KANK4: variants seen among roughly 807,000 people sequenced by gnomAD.
The protein encoded by KANK4 is KN motif and ankyrin repeat domains 4, also known as KN motif and ankyrin repeat domain-containing protein 4.
Under a neutral mutation model 80.8 loss-of-function variants are expected in KANK4, and 50 were observed. That is an observed-to-expected ratio of 0.62 (90% CI 0.49 to 0.78). The LOEUF (loss-of-function observed/expected upper bound fraction) is 0.78, where lower values mean the gene tolerates loss of function less well. Ranked by LOEUF, KANK4 falls within the 30% of genes least tolerant of loss-of-function variation. KANK4 has a pLI of 0.00. For synonymous variants in KANK4, 465 were observed against 506.9 expected, an observed-to-expected ratio of 0.92 and a Z score of 1.11; for missense variants, 1,196 against 1,240.1, an observed-to-expected ratio of 0.96 and a Z score of 0.53.
In KANK4 at chr1:62,273,580, C is replaced by T; in HGVS notation, c.1524G>A (p.Gln508=). The T allele has an allele frequency of 6.2e-7, 1 of 1,614,158 alleles. No individual in the cohort carries two copies. Among genetic ancestry groups the T allele is most frequent in the Non-Finnish European group, 8.5e-7 (1 of 1,180,012 alleles). ...TGGTTCCTCCCTGAGGGCCTCCTTC[C>T]TGTTCAGTGCCTGCTTCTTCAATCC... ...ELRIEEAGTE[Q]EGGPQGGTRG... is the part of the protein sequence containing the mutation. Residue 508 remains glutamine, a synonymous_variant, in exon 3 of 10, where the codon CAG becomes CAA. Transcript: ENST00000371153.
At chr1:62,282,215 G>C (rs950923774) in intron 1 of KANK4, among the ~76,000 whole-genome samples, 8 of 152,158 alleles carry the variant, frequency 5.3e-5, no homozygotes, top group Non-Finnish European at 1.2e-4. Flanking sequence ...AACCTGGGTG[G>C]CCCGAAGACA....
At chr1:62,289,763 A>C (rs1463797346) in intron 1 of KANK4, among the ~76,000 whole-genome samples, 1 of 152,214 alleles carries the variant, frequency 6.6e-6, no homozygotes, top group Non-Finnish European at 1.5e-5. Flanking sequence ...GGAAGTCAAC[A>C]TAATTCTGCC....
intron 1 of KANK4, among the ~76,000 whole-genome samples, chr1:62,298,618 TG>T (rs1382640856): frequency 7.9e-5 from 12 of 152,200 alleles, no homozygotes; most frequent in Admixed American, 7.2e-4. Flanking sequence ...CGTGTGACCT[TG>T]GGTAAGTCAC....
Position 62,237,632 on chromosome 1 carries a change from G to T in KANK4, c.*645C>A, listed in dbSNP as rs565069756. 1.3e-5 allele frequency: 2 copies of T among 151,872 alleles called. No homozygotes were observed. Among genetic ancestry groups the T allele is most frequent in the South Asian group, 4.2e-4 (2 of 4,804 alleles). 9.4% of individuals were successfully genotyped at this position (151,872 alleles called of 1,614,324 possible). ...GGAGCCACTAGATGACTCAGAAATA[G>T]TCAAGACTGTACATATGGCATTGAT... On this transcript the variant is annotated 3_prime_UTR_variant, in exon 10 of 10. Coordinates refer to ENST00000371153, the MANE Select transcript of KANK4 (RefSeq NM_181712.5).
intron 7 of KANK4, among the ~76,000 whole-genome samples, chr1:62,255,176 T>C (rs754495131): frequency 6.4e-4 from 97 of 152,094 alleles, no homozygotes; most frequent in Non-Finnish European, 9.6e-4. Flanking sequence ...TGAGCCACGG[T>C]GCCTAGCCAA....
chr1:62,273,554 C>G lies in KANK4; in HGVS notation c.1550G>C (p.Arg517Thr), dbSNP rs111413521. 6.2e-7 allele frequency: 1 copy of G among 1,613,770 alleles called. No homozygotes were observed. Among genetic ancestry groups the G allele is most frequent in the Admixed American group, 1.7e-5 (1 of 60,022 alleles). ...EQEGGPQGGTRGAGGFLWGSD... is the reference protein window; with the variant it reads ...EQEGGPQGGTTGAGGFLWGSD... The stretch of plus-strand genomic sequence containing the variant: ...GCCCCACAGAAAGCCTCCTGCTCCC[C>G]TGGTTCCTCCCTGAGGGCCTCCTTC... The change falls in exon 3 of 10, where the codon AGG (arginine) becomes ACG (threonine). Residue 517 changes from arginine to threonine, a missense_variant. By Grantham distance (71) the Arg-to-Thr change is moderately conservative. Around this residue, in one of 3 missense-constraint regions of KANK4, gnomAD observed 1,154 missense variants for 1,179.6 expected, o/e 0.98. Coordinates refer to ENST00000371153, the MANE Select transcript of KANK4 (RefSeq NM_181712.5).
At chr1:62,297,956 G>A (rs1644380736) in intron 1 of KANK4, among the ~76,000 whole-genome samples, 1 of 151,938 alleles carries the variant, frequency 6.6e-6, no homozygotes, top group African/African-American at 2.4e-5. Context: ...AGATACAAGG[G>A]TTTTAGGTTA....
intron 7 of KANK4, among the ~76,000 whole-genome samples, chr1:62,255,894 T>A (rs137988682): frequency 6.6e-6 from 1 of 152,120 alleles, no homozygotes; most frequent in African/African-American, 2.4e-5. Flanking sequence ...AAGCCATCCA[T>A]CCACTTTGGC....
At chr1:62,241,778 C>T (rs1434579217) in intron 9 of KANK4, among the ~76,000 whole-genome samples, 1 of 152,210 alleles carries the variant, frequency 6.6e-6, no homozygotes, top group Non-Finnish European at 1.5e-5. Context: ...GCCCGAATTC[C>T]TGCTCCTGAA....
chr1:62,270,642 C>T (rs536723307), intron 4 of KANK4, among the ~76,000 whole-genome samples: 2 of 152,190 alleles, frequency 1.3e-5, no homozygotes, highest in South Asian at 4.2e-4. Flanking sequence ...CCTGAGCCTC[C>T]CAAAGCGCTG....
At chr1:62,249,381 T>C (rs1333021650) in intron 8 of KANK4, among the ~76,000 whole-genome samples, 2 of 149,320 alleles carry the variant, frequency 1.3e-5, no homozygotes, top group East Asian at 3.9e-4. Context: ...TATATATACA[T>C]GTATTTTTTT....
rs1644569547 is a variant in KANK4 at position 62,319,159 on chromosome 1, G to A, written c.-124C>T. On this transcript the variant is annotated 5_prime_UTR_variant, in exon 1 of 10. Transcript: ENST00000371153. ...GGCGGCCCGCGGTGCACGGGGCCGG[G>A]GCAGCTAGGCGCACACCCCGGCTTC... 6.6e-6 allele frequency: 1 copy of A among 152,250 alleles called. No individual in the cohort carries two copies. The highest frequency in any genetic ancestry group is 1.5e-5 in the Non-Finnish European group (1 of 68,072). 9.4% of individuals were successfully genotyped at this position (152,250 alleles called of 1,614,324 possible). A position where few individuals can be genotyped will look rare whatever the true frequency, so the allele number is the denominator to read the frequency against.
intron 1 of KANK4, among the ~76,000 whole-genome samples, chr1:62,293,244 C>T (rs930118138): frequency 1.6e-5 from 2 of 121,424 alleles, no homozygotes; most frequent in Non-Finnish European, 3.4e-5. Flanking sequence ...TGCACCACCA[C>T]ACCCCGCTAA....
chr1:62,293,960 T>C (rs1644335540), intron 1 of KANK4, among the ~76,000 whole-genome samples: 1 of 152,232 alleles, frequency 6.6e-6, no homozygotes, highest in Admixed American at 6.5e-5. Context: ...TCCTCTTCTA[T>C]TATAAATAGA....
chr1:62,271,411 G>A, intron 4 of KANK4, 67 bp downstream of exon 4: 2 of 1,030,992 alleles, frequency 1.9e-6, no homozygotes, highest in Admixed American at 1.7e-5. Context: ...TAGGAAAAGA[G>A]AGTGCAAAGG....
At chr1:62,271,627 G>T in intron 3 of KANK4, 38 bp from the exon 4 acceptor site, 1 of 1,452,668 alleles carries the variant, frequency 6.9e-7, no homozygotes, top group Non-Finnish European at 9.7e-7. Context: ...AATGATCTTG[G>T]GGATGCATGG....
At chr1:62,250,902 A>T (rs936664135) in intron 8 of KANK4, among the ~76,000 whole-genome samples, 1 of 152,204 alleles carries the variant, frequency 6.6e-6, no homozygotes, top group Non-Finnish European at 1.5e-5. Context: ...CCATCGGGTT[A>T]GGTTACTATC....
At chr1:62,278,388 T>TGAGATGGA (rs1672369903) in intron 2 of KANK4, among the ~76,000 whole-genome samples, 4 of 70,426 alleles carry the variant, frequency 5.7e-5, no homozygotes, top group African/African-American at 2.4e-4. Flanking sequence ...TTTCTTTCTT[T>TGAGATGGA]CTTTCTTTCT....
chr1:62,274,057 G>A lies in KANK4; in HGVS notation c.1047C>T (p.Val349=), dbSNP rs1672241433. Residue 349 remains valine (V), a synonymous_variant, in exon 3 of 10, where the codon GTC becomes GTT. Coordinates refer to ENST00000371153, the MANE Select transcript of KANK4 (RefSeq NM_181712.5). ...PGSISSLKQQ[V]SALEGELSGR... is the part of the protein sequence containing the mutation. ...CAGACAACTCTCCCTCCAGGGCCGA[G>A]ACCTGCTGTTTCAGGCTGGAGATGC... 6 of 1,614,194 alleles carry A rather than the reference G, an allele frequency of 3.7e-6. No individual in the cohort carries two copies. The highest frequency in any genetic ancestry group is 1.7e-5 in the Admixed American group (1 of 60,022).
Sources: gnomAD v4.1 joint callset for allele counts (sites outside exome capture counted in the v4.1 genomes callset) on GRCh38, gnomAD v4.1.1 for gene constraint, gnomAD v4.1.1 regional missense constraint, MANE v1.5 for transcripts, NCBI Gene and HGNC (gene_info 2026-07-23, HGNC 2026-07-21) for gene names.